Variants in PTGES3 observed in about 807,000 individuals in gnomAD.
The protein encoded by PTGES3 is prostaglandin E synthase 3.
PTGES3 carries 5 observed loss-of-function variants against 29.9 expected under a neutral mutation model. That is an observed-to-expected ratio of 0.17 (90% CI 0.09 to 0.35). The LOEUF (loss-of-function observed/expected upper bound fraction) is 0.35. PTGES3 is among the 10% of genes least tolerant of loss of function. The pLI is 1.00. For synonymous variants in PTGES3, 49 were observed against 57.8 expected (o/e 0.85, Z 0.69); for missense variants, 128 against 190.0 (o/e 0.67, Z 1.92).
At chr12:56,687,666 G>A (rs1411054387) in intron 1 of PTGES3, 1 of 1,249,350 alleles carries the variant, frequency 8.0e-7, no homozygotes, top group Non-Finnish European at 1.0e-6. Context: ...CACGCTTCAG[G>A]GCGCCGCATG....
intron 5 of PTGES3, among the ~76,000 whole-genome samples, chr12:56,667,847 C>A (rs1170005460): frequency 6.6e-6 from 1 of 152,320 alleles, no homozygotes; most frequent in Non-Finnish European, 1.5e-5. Context: ...GTGACTCATG[C>A]CTGTAATCCC....
Position 56,664,100 on chromosome 12 carries a change from A to C in PTGES3, c.*379T>G. ...TTTTGAATCCATGTTCTATAATCTA[A>C]AATTTATTCTCTTTCCCTAAGCTGA... On this transcript the variant is annotated 3_prime_UTR_variant, in exon 8 of 8. Transcript: ENST00000262033. The C allele has an allele frequency of 5.9e-6, 1 of 169,354 alleles. No individual in the cohort carries two copies. The highest frequency in any genetic ancestry group is 1.5e-4 in the South Asian group (1 of 6,854). 10.5% of individuals were successfully genotyped at this position (169,354 alleles called of 1,614,324 possible).
chr12:56,665,819 A>T, intron 6 of PTGES3: 1 of 729,978 alleles, frequency 1.4e-6, no homozygotes, highest in Non-Finnish European at 1.7e-6. Context: ...TTTTTAAGAC[A>T]GGGTTTCACC....
intron 1 of PTGES3, chr12:56,686,971 G>T: frequency 3.6e-6 from 1 of 278,844 alleles, no homozygotes; most frequent in Non-Finnish European, 6.4e-6. Flanking sequence ...TACCTTTTAG[G>T]ACGTAGTTAG....
At chr12:56,664,555 T>C in intron 7 of PTGES3, 57 bp from the exon 8 acceptor site, 1 of 1,543,628 alleles carries the variant, frequency 6.5e-7, no homozygotes, top group East Asian at 2.3e-5. Context: ...CTACCAATTT[T>C]ACTGTCTTAA....
intron 4 of PTGES3, 52 bp downstream of exon 4, chr12:56,671,697 A>G (rs1952013382): frequency 1.7e-6 from 2 of 1,185,332 alleles, no homozygotes; most frequent in African/African-American, 3.1e-5. Flanking sequence ...TACATCTTTT[A>G]TTACCTAAAA....
chr12:56,680,661 C>T (rs60574031), intron 1 of PTGES3, among the ~76,000 whole-genome samples: 10,854 of 151,644 alleles, frequency 0.072, 947 homozygotes, highest in African/African-American at 0.21. Flanking sequence ...GATTAACAGG[C>T]GTGAGCCACC....
At chr12:56,668,633 T>C (rs1374012416) in intron 5 of PTGES3, among the ~76,000 whole-genome samples, 1 of 152,040 alleles carries the variant, frequency 6.6e-6, no homozygotes, top group African/African-American at 2.4e-5. Flanking sequence ...ATAATATGAA[T>C]AGAACATCCT....
intron 1 of PTGES3, among the ~76,000 whole-genome samples, chr12:56,676,950 T>C (rs936950926): frequency 1.8e-5 from 2 of 110,528 alleles, no homozygotes; most frequent in African/African-American, 6.9e-5. Context: ...AAAAAAATAG[T>C]GCTGGCTAAG....
intron 1 of PTGES3, among the ~76,000 whole-genome samples, chr12:56,683,967 A>C (rs1283288494): frequency 1.4e-5 from 2 of 145,974 alleles, no homozygotes; most frequent in Admixed American, 6.8e-5. Flanking sequence ...CAAAAAAAAA[A>C]AAAACAAAAA....
At chr12:56,676,838 C>G (rs569509224) in intron 1 of PTGES3, among the ~76,000 whole-genome samples, 1 of 135,372 alleles carries the variant, frequency 7.4e-6, no homozygotes, top group African/African-American at 2.8e-5. Context: ...CACAAGAATC[C>G]TTGAACCCGG....
At chr12:56,673,100 AATTC>A in intron 1 of PTGES3, 35 bp from the exon 2 acceptor site, 1 of 1,427,244 alleles carries the variant, frequency 7.0e-7, no homozygotes, top group Non-Finnish European at 9.7e-7. Context: ...GTCAAGCTGG[AATTC>A]ATTAACTAAA....
chr12:56,670,168 T>C (rs1951948467), intron 5 of PTGES3, 107 bp downstream of exon 5: 1 of 693,640 alleles, frequency 1.4e-6, no homozygotes, highest in African/African-American at 1.8e-5. Flanking sequence ...AAAAATAAAA[T>C]AACATGCATC....
chr12:56,670,433 GTTTTC>G, intron 4 of PTGES3, 69 bp from the exon 5 acceptor site: 1 of 1,169,026 alleles, frequency 8.6e-7, no homozygotes, highest in Non-Finnish European at 1.3e-6. Context: ...TTAAGACTAC[GTTTTC>G]TTTTCTTCTA....
chr12:56,664,541 TA>T (rs747288385), intron 7 of PTGES3, 43 bp from the exon 8 acceptor site: 4 of 1,558,044 alleles, frequency 2.6e-6, no homozygotes, highest in Middle Eastern at 1.7e-4. Context: ...TACAAGTGAA[TA>T]ATCTACCAAT....
intron 1 of PTGES3, among the ~76,000 whole-genome samples, chr12:56,683,972 C>CAA (rs1271756043): frequency 2.5e-4 from 32 of 129,864 alleles, no homozygotes; most frequent in African/African-American, 8.0e-4. Flanking sequence ...AAAAAAAAAA[C>CAA]AAAAAAAACA....
chr12:56,687,303 G>C (rs777658907), intron 1 of PTGES3: 1 of 990,808 alleles, frequency 1.0e-6, no homozygotes, highest in Non-Finnish European at 1.2e-6. Flanking sequence ...AAGTCGACAC[G>C]TGCGGAACTA....
chr12:56,684,022 A>T (rs557999323), intron 1 of PTGES3, among the ~76,000 whole-genome samples: 1 of 152,248 alleles, frequency 6.6e-6, no homozygotes, highest in South Asian at 2.1e-4. Flanking sequence ...CGATCCACAC[A>T]GTAAATAGTA....
Position 56,676,423 on chromosome 12 carries a change from A to G in PTGES3, c.3-3358T>C, listed in dbSNP as rs369976261. Among the ~76,000 whole-genome samples the G allele has an allele frequency of 2.0e-5, 3 of 152,278 alleles. No homozygotes were observed. The East Asian group carries it at 5.8e-4, about 29-fold the overall frequency. Reference sequence around the variant, plus strand: ...AACTAGCTTCTGCATACTTGACAACATGATAATGGAGTCCTGAGAGTCTAA... The same window carrying G: ...AACTAGCTTCTGCATACTTGACAACGTGATAATGGAGTCCTGAGAGTCTAA... On this transcript the variant is annotated intron_variant, in intron 1 of 7. Coordinates refer to ENST00000262033, the MANE Select transcript of PTGES3 (RefSeq NM_006601.7).
Sources: gnomAD v4.1 joint callset for allele counts (sites outside exome capture counted in the v4.1 genomes callset) on GRCh38, gnomAD v4.1.1 for gene constraint, MANE v1.5 for transcripts, NCBI Gene and HGNC (gene_info 2026-07-23, HGNC 2026-07-21) for gene names.